RYR2: variants seen among roughly 807,000 people sequenced by gnomAD.
RYR2 encodes ryanodine receptor 2, also known as cardiac muscle ryanodine receptor-calcium release channel.
Under a neutral mutation model 601.1 loss-of-function variants are expected in RYR2, and 227 were observed. The observed-to-expected ratio is 0.38, with a 90% confidence interval of 0.34 to 0.42. RYR2 has a LOEUF of 0.42. Ranked by LOEUF, RYR2 falls within the 10% of genes least tolerant of loss-of-function variation. The pLI is 1.00. For missense variants in RYR2, 4,646 were observed against 6,156.5 expected (o/e 0.75, Z 8.21); for synonymous variants, 2,223 against 2,175.1 (o/e 1.02, Z -0.61).
intron 2 of RYR2, among the ~76,000 whole-genome samples, chr1:237,287,229 A>G (rs1356949690): frequency 6.6e-6 from 1 of 152,154 alleles, no homozygotes; most frequent in East Asian, 1.9e-4. Context: ...CTTCTGTCTC[A>G]CAGCTCTTAA....
intron 4 of RYR2, among the ~76,000 whole-genome samples, chr1:237,363,238 G>T (rs1321480536): frequency 6.6e-6 from 1 of 151,890 alleles, no homozygotes; most frequent in African/African-American, 2.4e-5. Flanking sequence ...ACATGTGATT[G>T]GTCAGTTTAA....
rs766467277 is a variant in RYR2 at position 237,590,977 on chromosome 1, C to G, written c.4145C>G (p.Ser1382Cys). Residue 1382 changes from serine (S) to cysteine (C), a missense_variant, in exon 31 of 105, where the codon TCT (serine) becomes TGT (cysteine). Transcript: ENST00000366574. ...AAAGATTATGCCCAGGAAAAGCCCT[C>G]TCGTCTGAAACAAAGGTTACTAATT... ...NHKDYAQEKP[S>C]RLKQRFLLRR... 2.5e-6 allele frequency: 4 copies of G among 1,611,740 alleles called. No individual in the cohort carries two copies. The South Asian group carries it at 4.4e-5, about 18-fold the overall frequency.
At chr1:237,512,734 A>C (rs1168894462) in intron 24 of RYR2, among the ~76,000 whole-genome samples, 1 of 152,156 alleles carries the variant, frequency 6.6e-6, no homozygotes, top group Non-Finnish European at 1.5e-5. Flanking sequence ...TTATCTGGGC[A>C]TAATGGCGCA....
At chr1:237,138,325 G>T (rs1260637896) in intron 1 of RYR2, among the ~76,000 whole-genome samples, 2 of 152,146 alleles carry the variant, frequency 1.3e-5, no homozygotes, top group Non-Finnish European at 2.9e-5. Flanking sequence ...GAGCCACCAT[G>T]CCCATCCTGG....
chr1:237,655,743 C>T (rs778024435), intron 52 of RYR2, 78 bp from the exon 53 acceptor site: 1 of 1,356,326 alleles, frequency 7.4e-7, no homozygotes, highest in Non-Finnish European at 1.0e-6. Flanking sequence ...CTTCTGCAAC[C>T]TTCTGTCAGC....
chr1:237,271,618 A>G (rs979829398), intron 2 of RYR2, among the ~76,000 whole-genome samples: 5 of 152,274 alleles, frequency 3.3e-5, no homozygotes, highest in Non-Finnish European at 4.4e-5. Context: ...ATAGTTTTTC[A>G]TCTCTTTGAA....
chr1:237,251,562 A>C (rs1020707223), intron 1 of RYR2, among the ~76,000 whole-genome samples: 3 of 152,080 alleles, frequency 2.0e-5, no homozygotes, highest in African/African-American at 7.2e-5. Context: ...CCCTCTTTCC[A>C]ACCTCATAAT....
intron 12 of RYR2, among the ~76,000 whole-genome samples, chr1:237,435,194 G>A (rs1707220024): frequency 1.3e-5 from 2 of 152,306 alleles, no homozygotes; most frequent in Admixed American, 6.5e-5. Context: ...AATAAAGGTA[G>A]AGGTGAATAA....
At chr1:237,708,321 T>A (rs1237197599) in intron 68 of RYR2, among the ~76,000 whole-genome samples, 3 of 152,204 alleles carry the variant, frequency 2.0e-5, no homozygotes, top group Non-Finnish European at 1.5e-5. Context: ...AGTGCATATA[T>A]GTTACTTTCA....
At chr1:237,415,573 A>G (rs1456191386) in intron 10 of RYR2, among the ~76,000 whole-genome samples, 4 of 152,322 alleles carry the variant, frequency 2.6e-5, no homozygotes, top group Middle Eastern at 3.4e-3. Context: ...ATTTAGAGGT[A>G]TGTGTTAAAA....
chr1:237,332,724 T>C (rs543820228), intron 3 of RYR2, among the ~76,000 whole-genome samples: 72 of 152,376 alleles, frequency 4.7e-4, no homozygotes, highest in Admixed American at 3.2e-3. Context: ...TTTTTTATTG[T>C]TAAGTTGCGT....
intron 103 of RYR2, 75 bp downstream of exon 103, chr1:237,830,705 G>A (rs1663675155): frequency 1.4e-6 from 1 of 704,814 alleles, no homozygotes; most frequent in Non-Finnish European, 2.4e-6. Context: ...AGAATAGAGA[G>A]GAAGTTTTTG....
intron 10 of RYR2, among the ~76,000 whole-genome samples, chr1:237,408,642 A>G (rs1704144516): frequency 6.6e-6 from 1 of 151,984 alleles, no homozygotes; most frequent in Non-Finnish European, 1.5e-5. Context: ...TTCTCCTTCA[A>G]TATTGTGTTG....
chr1:237,456,650 C>A lies in RYR2; in HGVS notation c.1527C>A (p.Ser509Arg). The A allele has an allele frequency of 6.2e-7, 1 of 1,611,904 alleles. No homozygotes were observed. Among genetic ancestry groups the A allele is most frequent in the Non-Finnish European group, 8.5e-7 (1 of 1,178,714 alleles). Residue 509 changes from serine (S) to arginine (R), a missense_variant, in exon 16 of 105, where the codon AGC (serine) becomes AGA (arginine). Ser to Arg is a moderately radical substitution (Grantham distance 110, BLOSUM62 -1). Transcript: ENST00000366574. ...LECIDRLHVY[S>R]SAAHFADVAG... ...GCATAGACCGTTTGCACGTCTACAG[C>A]AGTGCAGCACACTTTGCTGATGTTG...
intron 10 of RYR2, among the ~76,000 whole-genome samples, chr1:237,392,725 T>C (rs1702486826): frequency 6.6e-6 from 1 of 152,210 alleles, no homozygotes; most frequent in South Asian, 2.1e-4. Context: ...TACTTTTATA[T>C]TGATACATTT....
At position 237,387,406 on chromosome 1, in the gene RYR2, G is replaced by A. The variant is rs762642346; in HGVS notation, c.676+26G>A. The A allele has an allele frequency of 3.8e-6, 6 of 1,592,954 alleles. No individual in the cohort carries two copies. The Admixed American group carries it at 5.0e-5, about 13-fold the overall frequency. On this transcript the variant is annotated intron_variant, in intron 9 of 104. Transcript: ENST00000366574. Reference sequence around the variant, plus strand: ...GTAAAAACTCCACTTCAATTAGAGGGCCTGTCCTTGCTGCAAAGTTGACAG... The same window carrying A: ...GTAAAAACTCCACTTCAATTAGAGGACCTGTCCTTGCTGCAAAGTTGACAG...
At chr1:237,444,664 G>A (rs1708179122) in intron 13 of RYR2, among the ~76,000 whole-genome samples, 1 of 152,144 alleles carries the variant, frequency 6.6e-6, no homozygotes, top group Non-Finnish European at 1.5e-5. Context: ...AGGATTTTGA[G>A]ATACCGTAAT....
At position 237,795,836 on chromosome 1, in the gene RYR2, G is replaced by GTGTGTA. The variant is rs371932356; in HGVS notation, c.13956+506_13956+507insGTGTAT. Among the ~76,000 whole-genome samples the GTGTGTA allele has an allele frequency of 2.2e-4, 29 of 132,670 alleles. 1 individual carries two copies. Among genetic ancestry groups the GTGTGTA allele is most frequent in the African/African-American group, 8.3e-4 (29 of 34,938 alleles). 87.0% of individuals were successfully genotyped at this position (132,670 alleles called of 152,430 possible). Reference sequence around the variant, plus strand: ...TATACAGGTATGTATGTGTGTGTGTGTATATATATATATGTATATGTATAT... The same window carrying GTGTGTA: ...TATACAGGTATGTATGTGTGTGTGTGTGTGTATATATATATATATGTATATGTATAT... On this transcript the variant is annotated intron_variant, in intron 96 of 104. Transcript: ENST00000366574.
chr1:237,224,894 C>T (rs2149159203), intron 1 of RYR2, among the ~76,000 whole-genome samples: 1 of 152,196 alleles, frequency 6.6e-6, no homozygotes, highest in South Asian at 2.1e-4. Context: ...ATTTTCATCC[C>T]CACTTTACAG....
Sources: gnomAD v4.1 joint callset for allele counts (sites outside exome capture counted in the v4.1 genomes callset) on GRCh38, gnomAD v4.1.1 for gene constraint, MANE v1.5 for transcripts, NCBI Gene and HGNC (gene_info 2026-07-23, HGNC 2026-07-21) for gene names.